VPS8: variants seen among roughly 807,000 people sequenced by gnomAD.
VPS8 encodes the protein vacuolar protein sorting-associated protein 8 homolog.
In VPS8, 129 loss-of-function variants were observed where a neutral mutation model predicts 216.4. That is an observed-to-expected ratio of 0.60 (90% CI 0.52 to 0.69). VPS8 has a LOEUF of 0.69. Among genes scored for constraint, VPS8 ranks in the 30% least tolerant of loss-of-function variants. VPS8 has a pLI of 0.00. For synonymous variants in VPS8, 571 were observed against 565.4 expected (o/e 1.01, Z -0.14); for missense variants, 1,531 against 1,683.5 (o/e 0.91, Z 1.59).
chr3:184,835,338 G>A (rs534733333), intron 5 of VPS8, among the ~76,000 whole-genome samples: 1 of 152,314 alleles, frequency 6.6e-6, no homozygotes, highest in African/African-American at 2.4e-5. Flanking sequence ...GGCTTCAAGT[G>A]TAGTGCCTCT....
chr3:185,035,339 C>T (rs1373224626), intron 46 of VPS8, among the ~76,000 whole-genome samples: 1 of 152,124 alleles, frequency 6.6e-6, no homozygotes, highest in Non-Finnish European at 1.5e-5. Flanking sequence ...CCCTGATAAA[C>T]ATAGATGCAA....
intron 19 of VPS8, 106 bp downstream of exon 19, chr3:184,869,142 T>C (rs1463634827): frequency 9.5e-7 from 1 of 1,054,224 alleles, no homozygotes; most frequent in African/African-American, 1.6e-5. Flanking sequence ...TCGAAGTGTT[T>C]ATAAACAGGA....
intron 23 of VPS8, among the ~76,000 whole-genome samples, chr3:184,895,157 T>C (rs371011112): frequency 7.9e-5 from 12 of 152,194 alleles, no homozygotes; most frequent in East Asian, 5.8e-4. Context: ...TTGTCTTCTG[T>C]TTCTTTCACA....
At chr3:185,006,237 A>G (rs1260308621) in intron 45 of VPS8, among the ~76,000 whole-genome samples, 1 of 152,236 alleles carries the variant, frequency 6.6e-6, no homozygotes, top group South Asian at 2.1e-4. Flanking sequence ...GGGTTAGGTA[A>G]TATAAGAAGG....
chr3:185,031,700 A>G (rs908873431), intron 46 of VPS8, among the ~76,000 whole-genome samples: 1 of 152,218 alleles, frequency 6.6e-6, no homozygotes, highest in Non-Finnish European at 1.5e-5. Context: ...TGAGAATTTC[A>G]TAATGGTAGA....
intron 21 of VPS8, among the ~76,000 whole-genome samples, chr3:184,874,509 A>G (rs529888467): frequency 1.3e-5 from 2 of 152,308 alleles, no homozygotes; most frequent in South Asian, 2.1e-4. Flanking sequence ...TGCAATCAAA[A>G]TCATCATGAG....
chr3:184,946,377 C>T (rs539347807), intron 36 of VPS8, among the ~76,000 whole-genome samples: 1 of 152,174 alleles, frequency 6.6e-6, no homozygotes, highest in Non-Finnish European at 1.5e-5. Context: ...GGCCTGCGCC[C>T]AGGAATGAGC....
At chr3:184,920,759 G>A (rs1028279847) in intron 29 of VPS8, among the ~76,000 whole-genome samples, 2 of 152,200 alleles carry the variant, frequency 1.3e-5, no homozygotes, top group Non-Finnish European at 2.9e-5. Context: ...CTTCAGGCAG[G>A]CCAGTTTCCT....
intron 45 of VPS8, among the ~76,000 whole-genome samples, chr3:185,005,689 A>T (rs1754149856): frequency 6.6e-6 from 1 of 151,590 alleles, no homozygotes; most frequent in Admixed American, 6.6e-5. Context: ...TGAGTTCTTG[A>T]TTCTCAGCTT....
intron 45 of VPS8, among the ~76,000 whole-genome samples, chr3:185,015,267 G>T (rs1374914864): frequency 6.6e-6 from 1 of 152,236 alleles, no homozygotes; most frequent in Non-Finnish European, 1.5e-5. Flanking sequence ...GGTCCTGGAA[G>T]AAAGAGGTGT....
intron 36 of VPS8, among the ~76,000 whole-genome samples, chr3:184,942,830 A>C (rs1317315676): frequency 6.6e-6 from 1 of 152,242 alleles, no homozygotes; most frequent in Non-Finnish European, 1.5e-5. Flanking sequence ...AATCCATAAA[A>C]GCTTCTTTAA....
intron 1 of VPS8, among the ~76,000 whole-genome samples, chr3:184,814,428 A>G (rs1169741413): frequency 6.6e-6 from 1 of 152,242 alleles, no homozygotes; most frequent in Admixed American, 6.5e-5. Flanking sequence ...GTCATTGTGC[A>G]TGCATCATAG....
chr3:184,886,474 C>T (rs1731256867), intron 22 of VPS8, among the ~76,000 whole-genome samples: 2 of 151,706 alleles, frequency 1.3e-5, no homozygotes, highest in South Asian at 2.1e-4. Context: ...TATATATACA[C>T]ACACACACGC....
intron 3 of VPS8, 32 bp downstream of exon 3, chr3:184,826,263 G>T: frequency 6.4e-7 from 1 of 1,554,332 alleles, no homozygotes; most frequent in Non-Finnish European, 8.8e-7. Context: ...CTGTCATTTT[G>T]TGTGTGGCAT....
intron 32 of VPS8, 94 bp from the exon 33 acceptor site, chr3:184,929,485 TG>T (rs1740300127): frequency 1.4e-6 from 1 of 715,336 alleles, no homozygotes; most frequent in Non-Finnish European, 2.4e-6. Context: ...CCAGGACACC[TG>T]GCCCACTTTT....
At chr3:185,023,422 A>G (rs60012493) in intron 45 of VPS8, among the ~76,000 whole-genome samples, 16,875 of 152,114 alleles carry the variant, frequency 0.11, 2,323 homozygotes, top group African/African-American at 0.33. Context: ...TATTGGCTGG[A>G]CGCAGCTCAT....
At chr3:184,838,567 A>G (rs919148401) in intron 5 of VPS8, 147 bp from the exon 6 acceptor site, 18 of 605,602 alleles carry the variant, frequency 3.0e-5, no homozygotes, top group Non-Finnish European at 4.5e-5. Flanking sequence ...TAGCTTTTGT[A>G]ATTTCTGTTA....
intron 25 of VPS8, among the ~76,000 whole-genome samples, chr3:184,910,460 G>T (rs1378779682): frequency 6.6e-6 from 1 of 152,102 alleles, no homozygotes; most frequent in Non-Finnish European, 1.5e-5. Context: ...CCAAGTGAAG[G>T]AACTCTCCAC....
chr3:184,982,919 C>A, intron 41 of VPS8, 93 bp from the exon 42 acceptor site: 1 of 1,131,820 alleles, frequency 8.8e-7, no homozygotes, highest in Non-Finnish European at 1.2e-6. Context: ...TTCTAAGAAG[C>A]TATATAAATG....
Sources: gnomAD v4.1 joint callset for allele counts (sites outside exome capture counted in the v4.1 genomes callset) on GRCh38, gnomAD v4.1.1 for gene constraint, MANE v1.5 for transcripts, NCBI Gene and HGNC (gene_info 2026-07-23, HGNC 2026-07-21) for gene names.